The following RYR3 variants were observed in gnomAD, a reference collection of about 807,000 sequenced individuals.
RYR3 encodes brain ryanodine receptor-calcium release channel.
In RYR3, 207 loss-of-function variants were observed where a neutral mutation model predicts 584.3. The ratio of observed to expected loss-of-function variants is 0.35; its 90% CI spans 0.32 to 0.40. The LOEUF (loss-of-function observed/expected upper bound fraction) is 0.40, where lower values mean the gene tolerates loss of function less well. Ranked by LOEUF, RYR3 falls within the 10% of genes least tolerant of loss-of-function variation. RYR3 has a pLI of 1.00. For synonymous variants in RYR3, 2,416 were observed against 2,248.5 expected, an observed-to-expected ratio of 1.07 and a Z score of -2.11; for missense variants, 5,616 against 6,089.2, an observed-to-expected ratio of 0.92 and a Z score of 2.59.
At chr15:33,637,642 C>A (rs1283082679) in intron 27 of RYR3, among the ~76,000 whole-genome samples, 1 of 152,210 alleles carries the variant, frequency 6.6e-6, no homozygotes, top group Non-Finnish European at 1.5e-5. Context: ...TAAAACAATA[C>A]AACTGCATAG....
In RYR3 at chr15:33,647,010, G is replaced by C. The variant is rs570889805; in HGVS notation, c.3942-414G>C. Among the ~76,000 whole-genome samples the C allele has an allele frequency of 9.2e-5, 14 of 152,242 alleles. No individual in the cohort carries two copies. In the South Asian group the frequency reaches 1.5e-3, roughly 16 times the overall value. ...ATCCCTTGCTGTCTTTCTTTCCCCT[G>C]ATGTCTATTTTTAATCATTGATGTA... On this transcript the variant is annotated intron_variant, in intron 29 of 103. Transcript: ENST00000634891.
chr15:33,602,522 A>AT (rs1186080794), intron 17 of RYR3, among the ~76,000 whole-genome samples: 1 of 151,948 alleles, frequency 6.6e-6, no homozygotes, highest in South Asian at 2.1e-4. Context: ...ACTCAAGTAA[A>AT]TTTTTTTTAA....
intron 2 of RYR3, 85 bp downstream of exon 2, chr15:33,473,623 A>G (rs2049127525): frequency 7.4e-7 from 1 of 1,359,462 alleles, no homozygotes; most frequent in Non-Finnish European, 1.0e-6. Context: ...GGAGATGGTG[A>G]TGAGGACGAC....
chr15:33,455,290 G>A (rs755552448), intron 1 of RYR3, among the ~76,000 whole-genome samples: 2 of 151,968 alleles, frequency 1.3e-5, no homozygotes, highest in African/African-American at 4.8e-5. Flanking sequence ...CCAAAGGACC[G>A]GCAGCCTGCA....
At chr15:33,384,997 T>C (rs2041483629) in intron 1 of RYR3, among the ~76,000 whole-genome samples, 1 of 152,220 alleles carries the variant, frequency 6.6e-6, no homozygotes, top group Non-Finnish European at 1.5e-5. Flanking sequence ...CTTGATGTTT[T>C]TCCCTTCCAC....
intron 31 of RYR3, among the ~76,000 whole-genome samples, chr15:33,650,270 G>A (rs1234904308): frequency 6.6e-6 from 1 of 152,122 alleles, no homozygotes; most frequent in Non-Finnish European, 1.5e-5. Context: ...CCAGCTACTC[G>A]GGAGGCTGAG....
intron 1 of RYR3, among the ~76,000 whole-genome samples, chr15:33,434,598 T>C (rs2045491260): frequency 6.6e-6 from 1 of 152,156 alleles, no homozygotes; most frequent in Non-Finnish European, 1.5e-5. Flanking sequence ...CTAGTACCCA[T>C]ATGTAAGGCA....
chr15:33,775,288 C>G (rs556928197), intron 64 of RYR3, among the ~76,000 whole-genome samples: 3 of 151,862 alleles, frequency 2.0e-5, no homozygotes, highest in African/African-American at 7.2e-5. Flanking sequence ...AACTATGTTT[C>G]TCATCTGTGT....
chr15:33,796,157 C>T (rs930141387), intron 67 of RYR3, among the ~76,000 whole-genome samples: 1 of 151,976 alleles, frequency 6.6e-6, no homozygotes, highest in Admixed American at 6.6e-5. Context: ...GTTTTTAGGA[C>T]AAAGTCTCGC....
chr15:33,557,632 C>T (rs1490412962), intron 10 of RYR3, among the ~76,000 whole-genome samples: 2 of 152,186 alleles, frequency 1.3e-5, no homozygotes, highest in Non-Finnish European at 2.9e-5. Flanking sequence ...ACCCACCCAC[C>T]TCGGCCTCCC....
intron 3 of RYR3, among the ~76,000 whole-genome samples, chr15:33,522,746 G>A (rs2054097865): frequency 6.6e-6 from 1 of 152,090 alleles, no homozygotes; most frequent in African/African-American, 2.4e-5. Context: ...CAGGGAGTTA[G>A]GATGGCTACC....
At chr15:33,439,634 T>G (rs2046048928) in intron 1 of RYR3, among the ~76,000 whole-genome samples, 1 of 152,204 alleles carries the variant, frequency 6.6e-6, no homozygotes, top group African/African-American at 2.4e-5. Context: ...GAAGACTAAA[T>G]TGATTACAGC....
intron 27 of RYR3, 28 bp from the exon 28 acceptor site, chr15:33,644,283 A>G (rs1354751121): frequency 6.3e-7 from 1 of 1,581,076 alleles, no homozygotes; most frequent in East Asian, 2.3e-5. Context: ...CCTTCGGGCT[A>G]AAGCAGGTCT....
In RYR3 at chr15:33,824,353, A is replaced by T. The variant is rs150164626; in HGVS notation, c.11073-1250A>T. Among the ~76,000 whole-genome samples the T allele has an allele frequency of 4.1e-3, 622 of 152,338 alleles. 5 individuals carry two copies. The highest frequency in any genetic ancestry group is 0.015 in the African/African-American group (603 of 41,584). ...ATTATAAGAACAATATATGTTTTTT[A>T]AAAATTTAAGCAGTAGGGAAGTTAA... On this transcript the variant is annotated intron_variant, in intron 81 of 103. Coordinates refer to ENST00000634891, the MANE Select transcript of RYR3 (RefSeq NM_001036.6).
At chr15:33,712,727 A>G (rs1158840202) in intron 43 of RYR3, among the ~76,000 whole-genome samples, 1 of 152,232 alleles carries the variant, frequency 6.6e-6, no homozygotes, top group African/African-American at 2.4e-5. Context: ...TGGCTCAATC[A>G]CAACAGAATG....
intron 53 of RYR3, 86 bp from the exon 54 acceptor site, chr15:33,748,028 G>C: frequency 6.1e-6 from 8 of 1,309,084 alleles, no homozygotes; most frequent in Non-Finnish European, 8.8e-6. Context: ...CCCACCCACA[G>C]TGGGATGCAC....
intron 49 of RYR3, among the ~76,000 whole-genome samples, chr15:33,738,124 C>T (rs184878228): frequency 6.6e-6 from 1 of 152,344 alleles, no homozygotes; most frequent in Admixed American, 6.5e-5. Flanking sequence ...GCTAGAACAG[C>T]TCACAGTGGC....
In RYR3 at chr15:33,584,406, C is replaced by T. The variant is rs753712777; in HGVS notation, c.1585C>T (p.Arg529Cys). 44 of 1,598,758 alleles carry T rather than the reference C, an allele frequency of 2.8e-5. No homozygotes were observed. Among genetic ancestry groups the T allele is most frequent in the East Asian group, 1.6e-4 (7 of 44,686 alleles). The change falls in exon 15 of 104, where the codon CGC becomes TGC. Residue 529 changes from arginine (R) to cysteine (C), a missense_variant. Physicochemically the swap from Arg to Cys is radical, Grantham distance 180 (BLOSUM62 -3). Around this residue, in one of 9 missense-constraint regions of RYR3, gnomAD observed 1,284 missense variants for 1,344.6 expected, o/e 0.95. Transcript: ENST00000634891. ...LLYKLLAALI[R>C]GNRNNCAQFS... ...CTCCTTGTTTGCAGCTGCTCTCATT[C>T]GCGGAAACAGAAACAATTGCGCTCA...
intron 24 of RYR3, among the ~76,000 whole-genome samples, chr15:33,633,675 TG>T (rs1566830382): frequency 6.6e-6 from 1 of 152,168 alleles, no homozygotes; most frequent in Non-Finnish European, 1.5e-5. Context: ...GTGCAAACTA[TG>T]GGGGGAGGAG....
Sources: allele counts gnomAD v4.1 joint callset (sites outside exome capture counted in the v4.1 genomes callset), GRCh38; gene constraint gnomAD v4.1.1; regional missense constraint gnomAD v4.1.1; transcripts MANE v1.5; gene names NCBI Gene and HGNC (gene_info 2026-07-23, HGNC 2026-07-21).